Variants in EYS observed in about 807,000 individuals in gnomAD.
EYS encodes protein eyes shut homolog.
EYS carries 250 observed loss-of-function variants against 282.1 expected under a neutral mutation model. That is an observed-to-expected ratio of 0.89 (90% CI 0.80 to 0.98). The LOEUF (loss-of-function observed/expected upper bound fraction) is 0.98. Among genes scored for constraint, EYS ranks in the 50% least tolerant of loss-of-function variants. The pLI is 0.00. For synonymous variants in EYS, 1,355 were observed against 1,282.9 expected (o/e 1.06, Z -1.20); for missense variants, 4,016 against 3,709.0 (o/e 1.08, Z -2.15).
At chr6:65,106,418 A>T (rs560426774) in intron 12 of EYS, among the ~76,000 whole-genome samples, 1 of 152,012 alleles carries the variant, frequency 6.6e-6, no homozygotes, top group African/African-American at 2.4e-5. Context: ...AAGAAAACAG[A>T]TGTCTTAAAT....
chr6:65,683,046 C>T (rs2149839318), intron 1 of EYS, among the ~76,000 whole-genome samples: 1 of 152,054 alleles, frequency 6.6e-6, no homozygotes, highest in South Asian at 2.1e-4. Context: ...CAATGCTCTA[C>T]ACTGAGACTG....
At chr6:64,887,425 TATA>T (rs1372722898) in intron 18 of EYS, among the ~76,000 whole-genome samples, 1 of 150,866 alleles carries the variant, frequency 6.6e-6, no homozygotes, top group South Asian at 2.1e-4. Context: ...AAACTTAAAG[TATA>T]ATAATAATAA....
At chr6:63,844,617 C>CTT (rs982041274) in intron 36 of EYS, among the ~76,000 whole-genome samples, 5 of 146,290 alleles carry the variant, frequency 3.4e-5, no homozygotes, top group Non-Finnish European at 6.1e-5. Flanking sequence ...TAATGTTGAG[C>CTT]TTTTTTTTTT....
At chr6:64,387,453 T>A (rs115614121) in intron 29 of EYS, among the ~76,000 whole-genome samples, 1 of 152,100 alleles carries the variant, frequency 6.6e-6, no homozygotes, top group East Asian at 1.9e-4. Flanking sequence ...TTAAAATTTA[T>A]ATTTTATTTG....
At chr6:64,805,798 A>G (rs1362420142) in intron 22 of EYS, among the ~76,000 whole-genome samples, 2 of 151,512 alleles carry the variant, frequency 1.3e-5, no homozygotes, top group Non-Finnish European at 1.5e-5. Flanking sequence ...GATTTGGAGA[A>G]CTAAAGTACA....
At chr6:64,107,271 G>GTATATATATATATTTATATATA (rs1281004595) in intron 31 of EYS, among the ~76,000 whole-genome samples, 5 of 99,962 alleles carry the variant, frequency 5.0e-5, no homozygotes, top group South Asian at 3.1e-4. Context: ...GTGTGTGTGT[G>GTATATATATATATTTATATATA]TATATATATA....
At chr6:63,973,518 T>G (rs1467199052) in intron 35 of EYS, among the ~76,000 whole-genome samples, 1 of 152,162 alleles carries the variant, frequency 6.6e-6, no homozygotes, top group Non-Finnish European at 1.5e-5. Context: ...TTATTATTAG[T>G]GCCGATTTGA....
At chr6:65,609,098 C>A (rs1348334590) in intron 2 of EYS, among the ~76,000 whole-genome samples, 1 of 151,882 alleles carries the variant, frequency 6.6e-6, no homozygotes, top group African/African-American at 2.4e-5. Flanking sequence ...TAAAGTAGCA[C>A]ATAATTATAT....
intron 30 of EYS, among the ~76,000 whole-genome samples, chr6:64,233,566 A>G (rs995989796): frequency 7.2e-5 from 11 of 152,206 alleles, no homozygotes; most frequent in African/African-American, 2.7e-4. Context: ...GAACAGTAAA[A>G]TTACCATTTT....
intron 22 of EYS, among the ~76,000 whole-genome samples, chr6:64,792,727 T>C (rs1162147229): frequency 1.3e-5 from 2 of 152,086 alleles, no homozygotes; most frequent in Non-Finnish European, 2.9e-5. Context: ...TTATTTGGCA[T>C]AGTCAGCTAT....
rs113994650 is a variant in EYS at position 64,760,495 on chromosome 6, G to C, written c.3443+52883C>G. ...ATCAAGCTAGGTTAAGGCAGAAAGAGAGAGAGTGAGTCCGAAGAAGTCTGC... is the reference window on the plus strand; with the variant it reads ...ATCAAGCTAGGTTAAGGCAGAAAGACAGAGAGTGAGTCCGAAGAAGTCTGC... On this transcript the variant is annotated intron_variant, in intron 22 of 42. Transcript: ENST00000503581. 3.7e-3 allele frequency among the ~76,000 whole-genome samples: 558 copies of C among 152,256 alleles called. 5 individuals carry two copies. The highest frequency in any genetic ancestry group is 0.013 in the African/African-American group (541 of 41,556).
chr6:63,926,830 A>G (rs1351497889), intron 35 of EYS, among the ~76,000 whole-genome samples: 1 of 152,254 alleles, frequency 6.6e-6, no homozygotes, highest in African/African-American at 2.4e-5. Context: ...CAAATTAACA[A>G]TAATGACCTG....
intron 12 of EYS, among the ~76,000 whole-genome samples, chr6:65,291,703 C>G (rs1418634431): frequency 6.6e-6 from 1 of 151,548 alleles, no homozygotes; most frequent in Non-Finnish European, 1.5e-5. Flanking sequence ...TGAGACAGAT[C>G]AGCTCTGTGG....
chr6:63,774,672 T>C (rs964897701), intron 40 of EYS, among the ~76,000 whole-genome samples: 2 of 152,174 alleles, frequency 1.3e-5, no homozygotes, highest in Non-Finnish European at 2.9e-5. Context: ...TTCCACAATG[T>C]ATATATATTT....
chr6:64,268,353 T>C (rs2150356198), intron 30 of EYS, among the ~76,000 whole-genome samples: 1 of 152,252 alleles, frequency 6.6e-6, no homozygotes, highest in East Asian at 1.9e-4. Context: ...GAAGGGTATA[T>C]AAGAAATAAT....
rs555276894 is a variant in EYS at position 65,639,763 on chromosome 6, G to A, written c.-333+15C>T. 2.6e-5 allele frequency: 4 copies of A among 152,180 alleles called. No individual in the cohort carries two copies. Among genetic ancestry groups the A allele is most frequent in the African/African-American group, 9.6e-5 (4 of 41,526 alleles). 9.4% of individuals were successfully genotyped at this position (152,180 alleles called of 1,614,324 possible). ...AACACAGAACCTGTTTTTTCCTCAG[G>A]ACTCTTATCCTTACCTCAAGTACAC... On this transcript the variant is annotated intron_variant, in intron 2 of 42. Coordinates refer to ENST00000503581, the MANE Select transcript of EYS (RefSeq NM_001142800.2).
chr6:63,724,990 A>G (rs1768555467), intron 42 of EYS, among the ~76,000 whole-genome samples: 1 of 152,140 alleles, frequency 6.6e-6, no homozygotes, highest in African/African-American at 2.4e-5. Context: ...GCAACCTTAA[A>G]TAAATGAGAG....
rs78740411 is a variant in EYS, at chr6:65,337,399, G to A, written c.1600-2253C>T. Among the ~76,000 whole-genome samples the A allele has an allele frequency of 9.3e-3, 1,404 of 151,414 alleles. 27 individuals carry two copies. The highest frequency in any genetic ancestry group is 0.032 in the African/African-American group (1,314 of 41,442). On this transcript the variant is annotated intron_variant, in intron 10 of 42. Transcript: ENST00000503581. ...GATTTTCTACATCCAGAGGATATTA[G>A]TTGTAAAGTTTTTTTTCAATTAAAG...
chr6:64,715,081 A>G (rs868182208), intron 22 of EYS, among the ~76,000 whole-genome samples: 1 of 151,864 alleles, frequency 6.6e-6, no homozygotes, highest in East Asian at 1.9e-4. Flanking sequence ...TTATTTATCC[A>G]TGGACTGGGG....
Sources: allele counts gnomAD v4.1 joint callset (sites outside exome capture counted in the v4.1 genomes callset), GRCh38; gene constraint gnomAD v4.1.1; transcripts MANE v1.5; gene names NCBI Gene and HGNC (gene_info 2026-07-23, HGNC 2026-07-21).